GRID2: variants seen among roughly 807,000 people sequenced by gnomAD.
GRID2 encodes glutamate receptor ionotropic, delta-2.
In GRID2, 33 loss-of-function variants were observed where a neutral mutation model predicts 114.8. The ratio of observed to expected loss-of-function variants is 0.29; its 90% CI spans 0.22 to 0.38. GRID2 has a LOEUF of 0.38. Among genes scored for constraint, GRID2 ranks in the 10% least tolerant of loss-of-function variants. The pLI is 1.00. For synonymous variants in GRID2, 505 were observed against 449.9 expected (o/e 1.12, Z -1.55); for missense variants, 1,184 against 1,257.7 (o/e 0.94, Z 0.89).
chr4:93,356,231 A>G (rs1383609551), intron 8 of GRID2, among the ~76,000 whole-genome samples: 1 of 152,040 alleles, frequency 6.6e-6, no homozygotes, highest in African/African-American at 2.4e-5. Context: ...TACATTTTTA[A>G]TTTTGTCCCT....
chr4:93,595,467 T>A (rs558597884), intron 13 of GRID2, among the ~76,000 whole-genome samples: 7 of 152,146 alleles, frequency 4.6e-5, no homozygotes, highest in Non-Finnish European at 5.9e-5. Flanking sequence ...CTTCACTCAG[T>A]CCCAATATTT....
At chr4:92,717,480 A>C (rs1735606585) in intron 2 of GRID2, among the ~76,000 whole-genome samples, 1 of 152,306 alleles carries the variant, frequency 6.6e-6, no homozygotes, top group Middle Eastern at 3.4e-3. Flanking sequence ...CGAGCTATAA[A>C]GCATATTTAA....
chr4:92,444,668 A>T (rs1445459184), intron 1 of GRID2, among the ~76,000 whole-genome samples: 1 of 152,120 alleles, frequency 6.6e-6, no homozygotes, highest in African/African-American at 2.4e-5. Flanking sequence ...CGTACTATGG[A>T]TATAATGTAA....
intron 2 of GRID2, among the ~76,000 whole-genome samples, chr4:92,600,036 G>A (rs1287202973): frequency 0.031 from 2,413 of 76,626 alleles, 57 homozygotes; most frequent in South Asian, 0.063. Context: ...GTGTGTGTGT[G>A]TGTGTGTGTA....
At chr4:92,743,451 T>G (rs2149333158) in intron 2 of GRID2, among the ~76,000 whole-genome samples, 1 of 152,346 alleles carries the variant, frequency 6.6e-6, no homozygotes, top group East Asian at 1.9e-4. Context: ...AAATAGATTC[T>G]ATTAAATTTA....
chr4:93,145,944 A>G (rs1230156728), intron 4 of GRID2, among the ~76,000 whole-genome samples: 1 of 151,794 alleles, frequency 6.6e-6, no homozygotes, highest in Non-Finnish European at 1.5e-5. Context: ...TATTCTCTCT[A>G]GTTTTTGCCC....
chr4:92,809,535 T>C (rs1740566673), intron 2 of GRID2, among the ~76,000 whole-genome samples: 1 of 151,946 alleles, frequency 6.6e-6, no homozygotes, highest in African/African-American at 2.4e-5. Context: ...CCTAGATTCT[T>C]AGATTTGAAG....
chr4:92,455,624 G>C (rs1427953426), intron 1 of GRID2, among the ~76,000 whole-genome samples: 1 of 152,122 alleles, frequency 6.6e-6, no homozygotes, highest in African/African-American at 2.4e-5. Flanking sequence ...AAATGGAGAG[G>C]AGCATGTGCT....
At chr4:93,745,227 G>A (rs528742663) in intron 14 of GRID2, among the ~76,000 whole-genome samples, 2 of 152,014 alleles carry the variant, frequency 1.3e-5, no homozygotes, top group South Asian at 4.2e-4. Flanking sequence ...GTTTTCTGGG[G>A]AAAAAATAAA....
chr4:92,437,564 C>G (rs1360623383), intron 1 of GRID2, among the ~76,000 whole-genome samples: 1 of 152,226 alleles, frequency 6.6e-6, no homozygotes, highest in African/African-American at 2.4e-5. Flanking sequence ...CTACTGGGCC[C>G]AGCTGACTGC....
At chr4:92,571,599 C>T (rs140598527) in intron 1 of GRID2, among the ~76,000 whole-genome samples, 5 of 151,972 alleles carry the variant, frequency 3.3e-5, no homozygotes, top group East Asian at 1.9e-4. Context: ...AGCACCACAC[C>T]GCACTTATTC....
At chr4:93,590,897 A>G (rs373291868) in intron 13 of GRID2, among the ~76,000 whole-genome samples, 21,937 of 149,772 alleles carry the variant, frequency 0.15, 2,073 homozygotes, top group Middle Eastern at 0.29. Context: ...ATTTTTGCAC[A>G]TTGATTTTGT....
At chr4:93,405,875 A>T (rs985489943) in intron 9 of GRID2, among the ~76,000 whole-genome samples, 3 of 152,168 alleles carry the variant, frequency 2.0e-5, no homozygotes, top group Non-Finnish European at 4.4e-5. Flanking sequence ...AAAACTTGAG[A>T]GATGCTACTG....
intron 7 of GRID2, among the ~76,000 whole-genome samples, chr4:93,234,867 TAC>T (rs1746587087): frequency 6.6e-6 from 1 of 152,030 alleles, no homozygotes; most frequent in Non-Finnish European, 1.5e-5. Flanking sequence ...TATCCTTGGT[TAC>T]CACACACATC....
intron 8 of GRID2, among the ~76,000 whole-genome samples, chr4:93,316,745 G>A (rs1756700253): frequency 6.6e-6 from 1 of 152,106 alleles, no homozygotes; most frequent in African/African-American, 2.4e-5. Context: ...TTTCAGATTT[G>A]AAAGGAGAGC....
At chr4:93,271,094 T>C (rs886454662) in intron 8 of GRID2, among the ~76,000 whole-genome samples, 2 of 152,204 alleles carry the variant, frequency 1.3e-5, no homozygotes, top group African/African-American at 4.8e-5. Context: ...GTGGAAATTA[T>C]ATATGTGTCC....
chr4:93,307,329 C>T (rs993361494), intron 8 of GRID2, among the ~76,000 whole-genome samples: 2 of 151,832 alleles, frequency 1.3e-5, no homozygotes, highest in African/African-American at 4.8e-5. Context: ...TAATGAGTGA[C>T]ATTAAATGCT....
At chr4:93,576,651 T>G (rs1288129965) in intron 13 of GRID2, among the ~76,000 whole-genome samples, 3 of 152,222 alleles carry the variant, frequency 2.0e-5, no homozygotes, top group African/African-American at 4.8e-5. Flanking sequence ...ATTGCCCATA[T>G]GTAGTTCACA....
At chr4:93,793,553 T>C (rs1191755330) in intron 1 of GRID2, among the ~76,000 whole-genome samples, 4 of 152,198 alleles carry the variant, frequency 2.6e-5, no homozygotes, top group Non-Finnish European at 5.9e-5. Context: ...CAACCATCAT[T>C]GATGCTTGTC....
Sources: allele counts gnomAD v4.1 joint callset (sites outside exome capture counted in the v4.1 genomes callset), GRCh38; gene constraint gnomAD v4.1.1; transcripts MANE v1.5; gene names NCBI Gene and HGNC (gene_info 2026-07-23, HGNC 2026-07-21).